PLCB4: variants seen among roughly 807,000 people sequenced by gnomAD.
PLCB4 encodes the protein phospholipase C beta 4.
Under a neutral mutation model 178.8 loss-of-function variants are expected in PLCB4, and 77 were observed. The observed-to-expected ratio is 0.43, with a 90% CI of 0.36 to 0.52. The LOEUF is 0.52. Ranked by LOEUF, PLCB4 falls within the 20% of genes least tolerant of loss-of-function variation. PLCB4 has a pLI of 0.00. For synonymous variants in PLCB4, 496 were observed against 490.8 expected (o/e 1.01, Z -0.14); for missense variants, 1,024 against 1,453.4 (o/e 0.70, Z 4.80).
chr20:9,070,714 A>G (rs974797438), intron 1 of PLCB4, among the ~76,000 whole-genome samples: 2 of 152,240 alleles, frequency 1.3e-5, no homozygotes, highest in Non-Finnish European at 2.9e-5. Context: ...ACTTGCTGCC[A>G]GACGAGTAAC....
chr20:9,456,836 C>A (rs1017955831), intron 33 of PLCB4, among the ~76,000 whole-genome samples: 9 of 152,158 alleles, frequency 5.9e-5, no homozygotes, highest in African/African-American at 2.2e-4. Flanking sequence ...AGGACCTGTT[C>A]TTGTTTCAGC....
chr20:9,297,668 T>C (rs912873098), intron 3 of PLCB4, among the ~76,000 whole-genome samples: 1 of 152,088 alleles, frequency 6.6e-6, no homozygotes, highest in Non-Finnish European at 1.5e-5. Context: ...TGAGCCCTCC[T>C]GTACCATTAT....
Position 9,473,406 on chromosome 20 carries a change from C to T in PLCB4, c.3495+41C>T, listed in dbSNP as rs757258496. The T allele has an allele frequency of 4.2e-6, 5 of 1,198,332 alleles. No individual in the cohort carries two copies. In the African/African-American group the frequency reaches 4.6e-5, roughly 11 times the overall value. The allele number at this position is 1,198,332 out of a possible 1,614,324, so 74.2% of individuals were successfully genotyped here. A position where few individuals can be genotyped will look rare whatever the true frequency, so the allele number is the denominator to read the frequency against. On this transcript the variant is annotated intron_variant, in intron 38 of 39. Transcript: ENST00000378473. ...TACGTAAAAACATGCAGGCAGCTAG[C>T]CAGCTTTGGGATACACATGCCATGG...
chr20:9,417,153 G>T (rs2040305471), intron 25 of PLCB4, among the ~76,000 whole-genome samples: 1 of 151,902 alleles, frequency 6.6e-6, no homozygotes, highest in African/African-American at 2.4e-5. Context: ...TATTTTCATT[G>T]ATGTACTGCT....
intron 13 of PLCB4, among the ~76,000 whole-genome samples, chr20:9,381,689 G>A (rs140482247): frequency 3.6e-4 from 55 of 152,246 alleles, no homozygotes; most frequent in African/African-American, 1.3e-3. Context: ...TTCAAGTGTG[G>A]GTGAGAATGG....
intron 7 of PLCB4, among the ~76,000 whole-genome samples, chr20:9,353,385 A>G (rs534328340): frequency 2.6e-5 from 4 of 152,320 alleles, no homozygotes; most frequent in Admixed American, 1.3e-4. Flanking sequence ...CAACACTGAC[A>G]TTGATATCTT....
At chr20:9,098,877 A>T (rs2091031625) in intron 2 of PLCB4, among the ~76,000 whole-genome samples, 1 of 149,672 alleles carries the variant, frequency 6.7e-6, no homozygotes, top group African/African-American at 2.5e-5. Flanking sequence ...CACGCAGTTG[A>T]GGAGCCTTTT....
intron 2 of PLCB4, among the ~76,000 whole-genome samples, chr20:9,098,113 T>C (rs1022184864): frequency 4.6e-5 from 7 of 152,088 alleles, no homozygotes; most frequent in African/African-American, 1.4e-4. Context: ...TAAATAAATG[T>C]TTTCTTTTTT....
intron 2 of PLCB4, among the ~76,000 whole-genome samples, chr20:9,141,207 C>T (rs144215099): frequency 3.3e-5 from 5 of 152,226 alleles, no homozygotes; most frequent in Admixed American, 1.3e-4. Context: ...ACTTTGTGAC[C>T]ATTGGGCCAG....
At chr20:9,275,863 A>G (rs1399141907) in intron 3 of PLCB4, among the ~76,000 whole-genome samples, 1 of 152,076 alleles carries the variant, frequency 6.6e-6, no homozygotes, top group Non-Finnish European at 1.5e-5. Flanking sequence ...CACAGATGAC[A>G]AAAGTAAGGA....
At chr20:9,228,868 C>T (rs1228560163) in intron 3 of PLCB4, among the ~76,000 whole-genome samples, 2 of 152,108 alleles carry the variant, frequency 1.3e-5, no homozygotes, top group East Asian at 1.9e-4. Flanking sequence ...TGCAGAACCT[C>T]CTAAAGCTGA....
intron 21 of PLCB4, among the ~76,000 whole-genome samples, chr20:9,407,393 G>T (rs1323356612): frequency 1.2e-4 from 17 of 141,864 alleles, no homozygotes; most frequent in African/African-American, 4.0e-4. Context: ...TTTTTGAGAT[G>T]GAGTCTTGCT....
Position 9,421,311 on chromosome 20 carries a change from A to G in PLCB4, c.2169A>G (p.Gln723=). ...TGCTGCTACAGGTTATATCAGGTCA[A>G]TTCTTATCAGATAAGAAAATTGGCA... is the stretch of plus-strand genomic sequence containing the variant. ...ATCSVQVISG[Q]FLSDKKIGTY... The change falls in exon 27 of 40, where the codon CAA becomes CAG. Residue 723 remains glutamine, a synonymous_variant. Transcript: ENST00000378473. 2 of 1,613,530 alleles carry G rather than the reference A, an allele frequency of 1.2e-6. No individual in the cohort carries two copies. Among genetic ancestry groups the G allele is most frequent in the Non-Finnish European group, 1.7e-6 (2 of 1,179,624 alleles).
intron 30 of PLCB4, among the ~76,000 whole-genome samples, chr20:9,440,994 C>T (rs2042070036): frequency 6.6e-6 from 1 of 152,092 alleles, no homozygotes; most frequent in Non-Finnish European, 1.5e-5. Context: ...CCGTTTACAA[C>T]TGTCAGTGGG....
intron 2 of PLCB4, among the ~76,000 whole-genome samples, chr20:9,203,630 C>T (rs537664960): frequency 6.6e-6 from 1 of 152,194 alleles, no homozygotes; most frequent in East Asian, 1.9e-4. Context: ...CATTTAACTT[C>T]ACAACAATGA....
chr20:9,219,373 G>A (rs778863810), intron 3 of PLCB4, among the ~76,000 whole-genome samples: 1 of 152,168 alleles, frequency 6.6e-6, no homozygotes, highest in Non-Finnish European at 1.5e-5. Flanking sequence ...GGAAGCTGAG[G>A]CAGGAGAATG....
At chr20:9,456,461 G>A (rs191225931) in intron 33 of PLCB4, among the ~76,000 whole-genome samples, 95 of 152,264 alleles carry the variant, frequency 6.2e-4, no homozygotes, top group East Asian at 3.1e-3. Context: ...TGCATAGCCC[G>A]AATATAAAGA....
chr20:9,324,188 G>A lies in PLCB4; in HGVS notation c.85-12938G>A, dbSNP rs1452567152. On this transcript the variant is annotated intron_variant, in intron 4 of 39. Transcript: ENST00000378473. Reference sequence around the variant, plus strand: ...AGGTCCTGTCTCAAAAAAAAAAAAAGAAAGAAATTTAAAAAAGAAAGGCCA... The same window carrying A: ...AGGTCCTGTCTCAAAAAAAAAAAAAAAAAGAAATTTAAAAAAGAAAGGCCA... Among the ~76,000 whole-genome samples, 43 of 133,864 alleles carry A rather than the reference G, an allele frequency of 3.2e-4. No individual in the cohort carries two copies. In the East Asian group the frequency reaches 8.8e-3, roughly 27 times the overall value. 87.8% of individuals were successfully genotyped at this position (133,864 alleles called of 152,430 possible).
intron 12 of PLCB4, among the ~76,000 whole-genome samples, chr20:9,379,522 G>T (rs1333000669): frequency 6.6e-6 from 1 of 152,142 alleles, no homozygotes; most frequent in Admixed American, 6.5e-5. Flanking sequence ...AATTTGTTGA[G>T]TGCCCAAGAA....
Sources: gnomAD v4.1 joint callset for allele counts (sites outside exome capture counted in the v4.1 genomes callset) on GRCh38, gnomAD v4.1.1 for gene constraint, MANE v1.5 for transcripts, NCBI Gene and HGNC (gene_info 2026-07-23, HGNC 2026-07-21) for gene names.